The following UBE2H variants were observed in gnomAD, a reference collection of about 807,000 sequenced individuals.
UBE2H encodes ubiquitin-conjugating enzyme E2 H.
UBE2H carries 3 observed loss-of-function variants against 29.0 expected under a neutral mutation model. The ratio of observed to expected loss-of-function variants is 0.10; its 90% CI spans 0.05 to 0.27. UBE2H has a LOEUF of 0.27. Ranked by LOEUF, UBE2H falls within the 10% of genes least tolerant of loss-of-function variation. The pLI is 1.00. For missense variants in UBE2H, 68 were observed against 228.2 expected (o/e 0.30, Z 4.52); for synonymous variants, 69 against 82.9 (o/e 0.83, Z 0.91).
At chr7:129,901,007 C>T (rs1194809712) in intron 1 of UBE2H, among the ~76,000 whole-genome samples, 1 of 152,120 alleles carries the variant, frequency 6.6e-6, no homozygotes, top group African/African-American at 2.4e-5. Flanking sequence ...GCCTTGGCCT[C>T]CCAAAGTGCT....
Position 129,865,448 on chromosome 7 carries a change from G to A in UBE2H, c.206-6507C>T, listed in dbSNP as rs566368857. On this transcript the variant is annotated intron_variant, in intron 3 of 6. Transcript: ENST00000355621. ...AGGATATTAATGATCAAATTTGTGG[G>A]TAGATGAAATACTTTGGGCCAATCA... is the stretch of plus-strand genomic sequence containing the variant. Among the ~76,000 whole-genome samples, 23 of 152,216 alleles carry A rather than the reference G, an allele frequency of 1.5e-4. No individual in the cohort carries two copies. In the South Asian group the frequency reaches 4.6e-3, roughly 30 times the overall value.
chr7:129,856,391 A>G (rs1378258052), intron 5 of UBE2H, among the ~76,000 whole-genome samples: 6 of 152,210 alleles, frequency 3.9e-5, no homozygotes, highest in Non-Finnish European at 7.3e-5. Flanking sequence ...GGGCACTGTG[A>G]TAAGAGTCCT....
chr7:129,915,807 A>G (rs1807033064), intron 1 of UBE2H, among the ~76,000 whole-genome samples: 1 of 152,180 alleles, frequency 6.6e-6, no homozygotes, highest in Non-Finnish European at 1.5e-5. Context: ...CATCCCCAGC[A>G]TGCAGTTGCT....
At chr7:129,892,098 G>A (rs548455116) in intron 1 of UBE2H, among the ~76,000 whole-genome samples, 107 of 151,756 alleles carry the variant, frequency 7.1e-4, no homozygotes, top group Non-Finnish European at 6.5e-4. Context: ...GACTACAGGC[G>A]CCCGCCACCA....
At chr7:129,894,924 G>A (rs1033060585) in intron 1 of UBE2H, among the ~76,000 whole-genome samples, 2 of 152,030 alleles carry the variant, frequency 1.3e-5, no homozygotes, top group African/African-American at 2.4e-5. Flanking sequence ...GGACTGAACC[G>A]CAGAGAATAA....
At chr7:129,899,787 T>A (rs1563039597) in intron 1 of UBE2H, among the ~76,000 whole-genome samples, 1 of 152,168 alleles carries the variant, frequency 6.6e-6, no homozygotes, top group Non-Finnish European at 1.5e-5. Flanking sequence ...GGAGTAGTAT[T>A]TTACCTACAT....
intron 1 of UBE2H, among the ~76,000 whole-genome samples, chr7:129,938,344 AG>A (rs973412048): frequency 2.1e-4 from 28 of 132,366 alleles, no homozygotes; most frequent in Non-Finnish European, 3.9e-4. Context: ...CAGGAGGTCA[AG>A]GCTTCAGTGA....
chr7:129,897,848 TTGAAA>T (rs1806630238), intron 1 of UBE2H, among the ~76,000 whole-genome samples: 1 of 152,218 alleles, frequency 6.6e-6, no homozygotes, highest in East Asian at 1.9e-4. Context: ...GTCTTCTTGA[TTGAAA>T]TTCTGCTTAA....
intron 4 of UBE2H, 59 bp downstream of exon 4, chr7:129,858,843 G>C (rs372993311): frequency 1.9e-4 from 290 of 1,503,644 alleles, no homozygotes; most frequent in Non-Finnish European, 2.5e-4. Context: ...ATAACACAGA[G>C]AAACACTAAT....
At chr7:129,868,505 G>T (rs937878803) in intron 3 of UBE2H, among the ~76,000 whole-genome samples, 1 of 147,292 alleles carries the variant, frequency 6.8e-6, no homozygotes, top group South Asian at 2.1e-4. Context: ...GCGTGAACCC[G>T]GGAAGCGGAG....
At chr7:129,888,356 G>A (rs1806405170) in intron 1 of UBE2H, among the ~76,000 whole-genome samples, 1 of 152,218 alleles carries the variant, frequency 6.6e-6, no homozygotes, top group South Asian at 2.1e-4. Flanking sequence ...AAATCCATAT[G>A]TATAAAGATT....
At chr7:129,853,299 C>G (rs1805643774) in intron 5 of UBE2H, among the ~76,000 whole-genome samples, 1 of 152,148 alleles carries the variant, frequency 6.6e-6, no homozygotes, top group African/African-American at 2.4e-5. Context: ...TTAATGAACT[C>G]TCCTATCAGT....
chr7:129,926,018 C>G (rs1022725148), intron 1 of UBE2H, among the ~76,000 whole-genome samples: 1 of 151,318 alleles, frequency 6.6e-6, no homozygotes, highest in Admixed American at 6.6e-5. Context: ...ATAAAATAAC[C>G]TCAAAACAAA....
In UBE2H at chr7:129,832,932, CAG is replaced by C. The variant is rs922216725; in HGVS notation, c.*2003_*2004del. The C allele has an allele frequency of 3.9e-5, 6 of 152,124 alleles. No homozygotes were observed. Among genetic ancestry groups the C allele is most frequent in the African/African-American group, 9.7e-5 (4 of 41,386 alleles). The allele number at this position is 152,124 out of a possible 1,614,324, so 9.4% of individuals were successfully genotyped here. On this transcript the variant is annotated 3_prime_UTR_variant, in exon 7 of 7. Transcript: ENST00000355621. ...AGGTAAGCAAGTTAGACAGTGCCAG[CAG>C]AGAGACCCTCCCTCCCCCAAAGCAA... is the stretch of plus-strand genomic sequence containing the variant.
intron 3 of UBE2H, among the ~76,000 whole-genome samples, chr7:129,875,775 G>C (rs546055412): frequency 6.6e-6 from 1 of 152,112 alleles, no homozygotes; most frequent in African/African-American, 2.4e-5. Flanking sequence ...AGTCTGTTTG[G>C]TGAAAGCTTT....
chr7:129,875,684 AT>A (rs911686362), intron 3 of UBE2H, among the ~76,000 whole-genome samples: 19 of 151,444 alleles, frequency 1.3e-4, no homozygotes, highest in Admixed American at 5.3e-4. Context: ...TCCTCTGCTT[AT>A]TTTTTTTTAT....
chr7:129,899,613 CTTACTAAG>C lies in UBE2H; in HGVS notation c.54-18650_54-18643del, dbSNP rs373237239. Reference sequence around the variant, plus strand: ...TGTGCTCAGGATTCACGAACAAAAACTTACTAAGATATGAAGCACCTTTCATCAACTAT... The same window carrying C: ...TGTGCTCAGGATTCACGAACAAAAACATATGAAGCACCTTTCATCAACTAT... On this transcript the variant is annotated intron_variant, in intron 1 of 6. Coordinates refer to ENST00000355621, the MANE Select transcript of UBE2H (RefSeq NM_003344.4). 2.6e-5 allele frequency among the ~76,000 whole-genome samples: 4 copies of C among 152,264 alleles called. No homozygotes were observed. In the East Asian group the frequency reaches 7.7e-4, roughly 29 times the overall value.
chr7:129,867,728 A>AAC (rs1735284669), intron 3 of UBE2H, among the ~76,000 whole-genome samples: 1 of 129,138 alleles, frequency 7.7e-6, no homozygotes, highest in Admixed American at 7.6e-5. Flanking sequence ...GAAAACCAAA[A>AAC]AAAAAAAAAA....
chr7:129,888,901 G>A (rs970004942), intron 1 of UBE2H, among the ~76,000 whole-genome samples: 10 of 152,194 alleles, frequency 6.6e-5, no homozygotes, highest in African/African-American at 1.9e-4. Flanking sequence ...TAGAGTAGGA[G>A]AGATTTCTTC....
Sources: allele counts gnomAD v4.1 joint callset (sites outside exome capture counted in the v4.1 genomes callset), GRCh38; gene constraint gnomAD v4.1.1; transcripts MANE v1.5; gene names NCBI Gene and HGNC (gene_info 2026-07-23, HGNC 2026-07-21).